The following CD6 variants were observed in gnomAD, a reference collection of about 807,000 sequenced individuals.
CD6 encodes T-cell differentiation antigen CD6.
Under a neutral mutation model 75.3 loss-of-function variants are expected in CD6, and 53 were observed. The observed-to-expected ratio is 0.70, with a 90% CI of 0.56 to 0.88. The LOEUF (loss-of-function observed/expected upper bound fraction) is 0.88, where lower values mean the gene tolerates loss of function less well. CD6 is among the 40% of genes least tolerant of loss of function. The pLI is 0.00. For missense variants in CD6, 770 were observed against 897.1 expected, an observed-to-expected ratio of 0.86 and a Z score of 1.81; for synonymous variants, 359 against 381.5, an observed-to-expected ratio of 0.94 and a Z score of 0.69.
chr11:61,020,220 G>T lies in CD6; in HGVS notation c.*902G>T. ...GAGTCCCCATGTGTCTCCTTGAATTGATGAGGATGCTCCTGGGAGGGATGC... is the reference window on the plus strand; with the variant it reads ...GAGTCCCCATGTGTCTCCTTGAATTTATGAGGATGCTCCTGGGAGGGATGC... On this transcript the variant is annotated 3_prime_UTR_variant, in exon 13 of 13. Coordinates refer to ENST00000313421, the MANE Select transcript of CD6 (RefSeq NM_006725.5). 2.5e-6 allele frequency: 1 copy of T among 398,842 alleles called. No homozygotes were observed. Among genetic ancestry groups the T allele is most frequent in the Non-Finnish European group, 4.4e-6 (1 of 226,086 alleles). The allele number at this position is 398,842 out of a possible 1,614,324, so 24.7% of individuals were successfully genotyped here.
At chr11:61,011,529 G>A (rs563170868) in intron 6 of CD6, among the ~76,000 whole-genome samples, 3 of 152,318 alleles carry the variant, frequency 2.0e-5, no homozygotes, top group East Asian at 3.9e-4. Context: ...ACAGCCCTGT[G>A]TTCATAACCG....
chr11:61,011,563 T>C (rs933144112), intron 6 of CD6, among the ~76,000 whole-genome samples: 3 of 152,200 alleles, frequency 2.0e-5, no homozygotes, highest in African/African-American at 7.2e-5. Context: ...CCTAGGGCTT[T>C]ATAGCCATTA....
chr11:61,018,838 C>G (rs1252994162), intron 12 of CD6: 1 of 240,734 alleles, frequency 4.2e-6, no homozygotes, highest in South Asian at 1.2e-4. Flanking sequence ...AAAACAAACA[C>G]AAGCACAACA....
At chr11:61,015,679 C>G in intron 8 of CD6, 34 bp from the exon 9 acceptor site, 4 of 1,612,746 alleles carry the variant, frequency 2.5e-6, no homozygotes, top group Non-Finnish European at 2.5e-6. Flanking sequence ...CCGCCCACCA[C>G]TTTGCCATGC....
chr11:60,990,806 A>AGGCTGAGGCGGGCAGAT lies in CD6; in HGVS notation c.50-15768_50-15767insGGCTGAGGCGGGCAGAT, dbSNP rs1565147498. 3.1e-4 allele frequency among the ~76,000 whole-genome samples: 31 copies of AGGCTGAGGCGGGCAGAT among 100,082 alleles called. 1 individual carries two copies. The highest frequency in any genetic ancestry group is 8.8e-4 in the Admixed American group (7 of 7,960). 65.7% of individuals were successfully genotyped at this position (100,082 alleles called of 152,430 possible). ...TTTTATATAAATTGTACCCTACTGG[A>AGGCTGAGGCGGGCAGAT]CATATTGTTCTGAAACTTATTATAC... is the stretch of plus-strand genomic sequence containing the variant. On this transcript the variant is annotated intron_variant, in intron 1 of 12. Coordinates refer to ENST00000313421, the MANE Select transcript of CD6 (RefSeq NM_006725.5).
chr11:60,980,650 G>A (rs963906437), intron 1 of CD6, among the ~76,000 whole-genome samples: 11 of 152,126 alleles, frequency 7.2e-5, no homozygotes, highest in Non-Finnish European at 1.3e-4. Flanking sequence ...CCAATATGGC[G>A]AAACCCCGTC....
chr11:61,008,923 G>T, intron 4 of CD6, 78 bp downstream of exon 4: 1 of 1,272,640 alleles, frequency 7.9e-7, no homozygotes, highest in South Asian at 1.7e-5. Context: ...CCTGGAGTTA[G>T]TGCCGGAGAG....
intron 1 of CD6, among the ~76,000 whole-genome samples, chr11:60,981,807 G>A (rs1857569133): frequency 6.6e-6 from 1 of 152,174 alleles, no homozygotes; most frequent in Non-Finnish European, 1.5e-5. Flanking sequence ...CAGGAGGCAG[G>A]ATGCAGGGCT....
chr11:61,001,725 CT>C (rs1461885159), intron 1 of CD6, among the ~76,000 whole-genome samples: 1 of 152,186 alleles, frequency 6.6e-6, no homozygotes, highest in Non-Finnish European at 1.5e-5. Context: ...TTTCCTCCCC[CT>C]ATCTTCCATG....
chr11:60,987,912 TG>T (rs2135056074), intron 1 of CD6: 1 of 152,342 alleles, frequency 6.6e-6, no homozygotes, highest in African/African-American at 2.4e-5. Flanking sequence ...CACCAGGGCA[TG>T]GGGCCTGGCC....
In CD6 at chr11:61,019,583, G is replaced by C; in HGVS notation, c.*265G>C. The C allele has an allele frequency of 2.6e-6, 1 of 389,554 alleles. No homozygotes were observed. 24.1% of individuals were successfully genotyped at this position (389,554 alleles called of 1,614,324 possible). A position where few individuals can be genotyped will look rare whatever the true frequency, so the allele number is the denominator to read the frequency against. On this transcript the variant is annotated 3_prime_UTR_variant, in exon 13 of 13. Coordinates refer to ENST00000313421, the MANE Select transcript of CD6 (RefSeq NM_006725.5). ...AGAGGTGTGAGCCCTCTGTCTCGGG[G>C]ATGAACAAGCAGAGTCTGGGCTACC...
intron 1 of CD6, among the ~76,000 whole-genome samples, chr11:60,990,829 T>C (rs1253684673): frequency 1.5e-5 from 1 of 65,922 alleles, no homozygotes; most frequent in Non-Finnish European, 4.1e-5. Context: ...AAACTTATTA[T>C]ACTTTTCTCC....
chr11:60,994,575 G>T (rs1858217322), intron 1 of CD6, among the ~76,000 whole-genome samples: 1 of 150,262 alleles, frequency 6.7e-6, no homozygotes. Flanking sequence ...TTTTATTTGT[G>T]TCCCCAAGCC....
chr11:61,000,446 C>G (rs1858529184), intron 1 of CD6, among the ~76,000 whole-genome samples: 1 of 152,214 alleles, frequency 6.6e-6, no homozygotes, highest in Non-Finnish European at 1.5e-5. Flanking sequence ...CTTCATCCAT[C>G]ATCCACTCAA....
intron 1 of CD6, among the ~76,000 whole-genome samples, chr11:60,993,443 A>G (rs1429694416): frequency 6.6e-6 from 1 of 152,084 alleles, no homozygotes; most frequent in Non-Finnish European, 1.5e-5. Flanking sequence ...AACGAGAGAA[A>G]AGGGATGAAA....
chr11:61,001,198 C>CTTT lies in CD6; in HGVS notation c.50-5358_50-5356dup, dbSNP rs143567183. On this transcript the variant is annotated intron_variant, in intron 1 of 12. Coordinates refer to ENST00000313421, the MANE Select transcript of CD6 (RefSeq NM_006725.5). ...ATCAGATAGTCTGATGATGATGTGTCTTTTTTTTTTTTTTTTTTTTGAGAC... is the reference window on the plus strand; with the variant it reads ...ATCAGATAGTCTGATGATGATGTGTCTTTTTTTTTTTTTTTTTTTTTTTGAGAC... Among the ~76,000 whole-genome samples, 124 of 110,324 alleles carry CTTT rather than the reference C, an allele frequency of 1.1e-3. 1 individual carries two copies. Among genetic ancestry groups the CTTT allele is most frequent in the African/African-American group, 1.4e-3 (40 of 29,030 alleles). 72.4% of individuals were successfully genotyped at this position (110,324 alleles called of 152,430 possible). A position where few individuals can be genotyped will look rare whatever the true frequency, so the allele number is the denominator to read the frequency against.
At chr11:60,998,429 T>C (rs1348280519) in intron 1 of CD6, among the ~76,000 whole-genome samples, 3 of 152,202 alleles carry the variant, frequency 2.0e-5, no homozygotes, top group African/African-American at 4.8e-5. Context: ...CAATCTGTCA[T>C]TATGCAAGTG....
intron 5 of CD6, among the ~76,000 whole-genome samples, chr11:61,010,503 T>C (rs1426893229): frequency 6.6e-6 from 1 of 152,160 alleles, no homozygotes; most frequent in Non-Finnish European, 1.5e-5. Context: ...TGAAGAAACA[T>C]GGTATTTGCA....
chr11:61,016,464 A>G (rs1251220444), intron 9 of CD6, among the ~76,000 whole-genome samples: 6 of 152,236 alleles, frequency 3.9e-5, no homozygotes, highest in Non-Finnish European at 8.8e-5. Flanking sequence ...ATCAGTCAGG[A>G]TGAGAATTTG....
Sources: gnomAD v4.1 joint callset for allele counts (sites outside exome capture counted in the v4.1 genomes callset) on GRCh38, gnomAD v4.1.1 for gene constraint, MANE v1.5 for transcripts, NCBI Gene and HGNC (gene_info 2026-07-23, HGNC 2026-07-21) for gene names.